PPP6R3: variants seen among roughly 807,000 people sequenced by gnomAD.
PPP6R3 encodes protein phosphatase 6 regulatory subunit 3.
In PPP6R3, 38 loss-of-function variants were observed where a neutral mutation model predicts 110.7. The ratio of observed to expected loss-of-function variants is 0.34; its 90% CI spans 0.26 to 0.45. The LOEUF is 0.45. Among genes scored for constraint, PPP6R3 ranks in the 20% least tolerant of loss-of-function variants. The pLI is 1.00. For missense variants in PPP6R3, 870 were observed against 1,062.4 expected (o/e 0.82, Z 2.52); for synonymous variants, 369 against 373.5 (o/e 0.99, Z 0.14).
chr11:68,484,429 C>G (rs2098933614), intron 1 of PPP6R3, among the ~76,000 whole-genome samples: 1 of 151,998 alleles, frequency 6.6e-6, no homozygotes. Flanking sequence ...CTCATTGTTG[C>G]TTTAATTTGC....
intron 9 of PPP6R3, among the ~76,000 whole-genome samples, chr11:68,564,943 G>T (rs1026166330): frequency 6.6e-6 from 1 of 152,192 alleles, no homozygotes; most frequent in African/African-American, 2.4e-5. Flanking sequence ...AGACCCACAA[G>T]AGTTTTGTCA....
intron 6 of PPP6R3, 83 bp from the exon 7 acceptor site, chr11:68,554,062 T>C: frequency 9.4e-7 from 1 of 1,061,636 alleles, no homozygotes; most frequent in South Asian, 1.6e-5. Context: ...TGTTATTTCT[T>C]AAATAACTTT....
intron 9 of PPP6R3, among the ~76,000 whole-genome samples, chr11:68,566,656 C>T (rs1056168895): frequency 4.6e-5 from 7 of 152,124 alleles, no homozygotes; most frequent in Admixed American, 1.3e-4. Flanking sequence ...CTACTGTGCC[C>T]GGCCATAACT....
At chr11:68,585,420 T>C (rs1262238304) in intron 15 of PPP6R3, among the ~76,000 whole-genome samples, 1 of 152,240 alleles carries the variant, frequency 6.6e-6, no homozygotes, top group Admixed American at 6.5e-5. Context: ...AGAGATTTGC[T>C]TAAAGTGGTT....
At chr11:68,607,587 T>G (rs951211353) in intron 22 of PPP6R3, among the ~76,000 whole-genome samples, 8 of 152,216 alleles carry the variant, frequency 5.3e-5, no homozygotes, top group Non-Finnish European at 8.8e-5. Context: ...GTGAGGAAAC[T>G]GAGGCACTAG....
At chr11:68,581,428 A>G (rs1042155252) in intron 14 of PPP6R3, among the ~76,000 whole-genome samples, 3 of 152,266 alleles carry the variant, frequency 2.0e-5, no homozygotes, top group African/African-American at 7.2e-5. Flanking sequence ...TAACTTAGAC[A>G]GCAAGACTTG....
chr11:68,516,843 C>T (rs1244161484), intron 1 of PPP6R3, among the ~76,000 whole-genome samples: 1 of 152,200 alleles, frequency 6.6e-6, no homozygotes, highest in Non-Finnish European at 1.5e-5. Flanking sequence ...AGTTTCTCCA[C>T]ATCCTTATTG....
chr11:68,504,189 G>A (rs1405496709), intron 1 of PPP6R3, among the ~76,000 whole-genome samples: 8 of 151,918 alleles, frequency 5.3e-5, no homozygotes, highest in Non-Finnish European at 1.2e-4. Context: ...ATCAGGTAAA[G>A]CATTATATTC....
In PPP6R3 at chr11:68,613,934, G is replaced by GT. The variant is rs1449797812; in HGVS notation, c.*824dup. The GT allele has an allele frequency of 2.2e-4, 193 of 879,338 alleles. No homozygotes were observed. The African/African-American group carries it at 3.6e-3, about 16-fold the overall frequency. 54.5% of individuals were successfully genotyped at this position (879,338 alleles called of 1,614,324 possible). A position where few individuals can be genotyped will look rare whatever the true frequency, so the allele number is the denominator to read the frequency against. On this transcript the variant is annotated 3_prime_UTR_variant, in exon 24 of 24. Coordinates refer to ENST00000393800, the MANE Select transcript of PPP6R3 (RefSeq NM_001164161.2). ...TTTTTTTTGGCTTTTGTTTTTGTTT[G>GT]TTTTTTTGTTTCATTTGGTAGTTCA...
chr11:68,609,885 G>C lies in PPP6R3; in HGVS notation c.2451-19G>C. The C allele has an allele frequency of 6.2e-7, 1 of 1,613,708 alleles. No homozygotes were observed. The highest frequency in any genetic ancestry group is 8.5e-7 in the Non-Finnish European group (1 of 1,179,738). ...GGTCCCTAGGGTGTTTGATGTGCCT[G>C]TCATCCTCTTTACTGCAGTGAGGAA... is the stretch of plus-strand genomic sequence containing the variant. On this transcript the variant is annotated intron_variant, in intron 22 of 23. Transcript: ENST00000393800.
chr11:68,613,602 C>G lies in PPP6R3; in HGVS notation c.*485C>G. The G allele has an allele frequency of 1.0e-6, 1 of 985,790 alleles. No individual in the cohort carries two copies. Among genetic ancestry groups the G allele is most frequent in the Non-Finnish European group, 1.2e-6 (1 of 830,034 alleles). 61.1% of individuals were successfully genotyped at this position (985,790 alleles called of 1,614,324 possible). A position where few individuals can be genotyped will look rare whatever the true frequency, so the allele number is the denominator to read the frequency against. On this transcript the variant is annotated 3_prime_UTR_variant, in exon 24 of 24. Transcript: ENST00000393800. ...ACAAGGAGTTGTAGAATGAAAATGC[C>G]CTCTAAGTGTTATTTTGGTTGTTCT...
intron 1 of PPP6R3, among the ~76,000 whole-genome samples, chr11:68,503,046 T>C (rs897422702): frequency 5.3e-5 from 8 of 152,076 alleles, no homozygotes; most frequent in African/African-American, 1.9e-4. Context: ...CAGGTTGAAG[T>C]GATTCTCCTG....
intron 1 of PPP6R3, among the ~76,000 whole-genome samples, chr11:68,463,670 A>G (rs1217997901): frequency 6.6e-6 from 1 of 152,208 alleles, no homozygotes; most frequent in Non-Finnish European, 1.5e-5. Context: ...TCTGCACCCC[A>G]GTATTGGCTG....
At chr11:68,470,209 G>C (rs953411753) in intron 1 of PPP6R3, among the ~76,000 whole-genome samples, 1 of 152,184 alleles carries the variant, frequency 6.6e-6, no homozygotes, top group African/African-American at 2.4e-5. Context: ...AATACAAACA[G>C]GGAGAAAAGT....
intron 1 of PPP6R3, among the ~76,000 whole-genome samples, chr11:68,472,850 T>C (rs888359156): frequency 6.6e-6 from 1 of 152,234 alleles, no homozygotes; most frequent in African/African-American, 2.4e-5. Context: ...AGGTGGTCTT[T>C]TGGGACCAGC....
chr11:68,490,096 C>A (rs2098974503), intron 1 of PPP6R3, among the ~76,000 whole-genome samples: 1 of 152,148 alleles, frequency 6.6e-6, no homozygotes, highest in Non-Finnish European at 1.5e-5. Flanking sequence ...CTACCTGGAT[C>A]ATTTTCCTTC....
chr11:68,572,464 G>A lies in PPP6R3; in HGVS notation c.1343+1360G>A, dbSNP rs147705181. 8.3e-3 allele frequency among the ~76,000 whole-genome samples: 1,257 copies of A among 152,230 alleles called. 17 individuals are homozygous for A. The highest frequency in any genetic ancestry group is 7.7e-3 in the Non-Finnish European group (523 of 68,032). ...GTTTTCTTTCACTTGTGTACTTGAG[G>A]GTGTGCAGAAGAGTGACTCAGTTGC... is the stretch of plus-strand genomic sequence containing the variant. On this transcript the variant is annotated intron_variant, in intron 12 of 23. Coordinates refer to ENST00000393800, the MANE Select transcript of PPP6R3 (RefSeq NM_001164161.2).
intron 9 of PPP6R3, among the ~76,000 whole-genome samples, chr11:68,565,845 G>GT (rs1466598614): frequency 6.6e-6 from 1 of 152,152 alleles, no homozygotes; most frequent in South Asian, 2.1e-4. Flanking sequence ...GATCCATGAA[G>GT]TTTTTTACAA....
Position 68,610,016 on chromosome 11 carries a change from G to T in PPP6R3, c.2563G>T (p.Glu855Ter). 1.9e-6 allele frequency: 3 copies of T among 1,613,720 alleles called. No homozygotes were observed. The highest frequency in any genetic ancestry group is 1.7e-6 in the Non-Finnish European group (2 of 1,179,978). Residue 855 changes from glutamate (E) to a stop codon, truncating the protein, a stop_gained, in exon 23 of 24, where the codon GAG (glutamate) becomes TAG (stop). Transcript: ENST00000393800. LOFTEE classifies it high-confidence loss of function. ...AAPRPPSSSPEQRTGQPSAPG... is the reference protein window; with the variant it reads ...AAPRPPSSSP ...GCCCAGGCCTCCCAGCAGCAGTCCC[G>T]AGCAGAGGTAACCACCCGCCTCCTC... is the stretch of plus-strand genomic sequence containing the variant.
Sources: gnomAD v4.1 joint callset for allele counts (sites outside exome capture counted in the v4.1 genomes callset) on GRCh38, gnomAD v4.1.1 for gene constraint, MANE v1.5 for transcripts, NCBI Gene and HGNC (gene_info 2026-07-23, HGNC 2026-07-21) for gene names.